Variants in NUCB1 observed in about 807,000 individuals in gnomAD.
The protein encoded by NUCB1 is nucleobindin 1, also known as nucleobindin-1.
NUCB1 carries 47 observed loss-of-function variants against 61.2 expected under a neutral mutation model. The observed-to-expected ratio is 0.77, with a 90% CI of 0.61 to 0.98. NUCB1 has a LOEUF of 0.98. Ranked by LOEUF, NUCB1 falls within the 50% of genes least tolerant of loss-of-function variation. The probability of loss-of-function intolerance (pLI) is 0.00; values close to 1 mark genes in which losing one functional copy is unlikely to be tolerated. For synonymous variants in NUCB1, 234 were observed against 243.1 expected (o/e 0.96, Z 0.35); for missense variants, 583 against 605.3 (o/e 0.96, Z 0.39).
intron 2 of NUCB1, among the ~76,000 whole-genome samples, chr19:48,903,654 A>G (rs1444815217): frequency 3.3e-5 from 3 of 92,288 alleles, no homozygotes; most frequent in Admixed American, 2.5e-4. Flanking sequence ...GGGCGGGTGG[A>G]TGGATGGGTG....
At chr19:48,905,598 G>A (rs965006699) in intron 3 of NUCB1, among the ~76,000 whole-genome samples, 155 bp from the exon 4 acceptor site, 2 of 152,186 alleles carry the variant, frequency 1.3e-5, no homozygotes, top group African/African-American at 4.8e-5. Context: ...AGGCTGACGG[G>A]CTGGGAGCTG....
In NUCB1 at chr19:48,916,051, A is replaced by G. The variant is rs116648034; in HGVS notation, c.757+2487A>G. Among the ~76,000 whole-genome samples, 734 of 152,264 alleles carry G rather than the reference A, an allele frequency of 4.8e-3. 11 individuals are homozygous for G. Among genetic ancestry groups the G allele is most frequent in the African/African-American group, 0.017 (703 of 41,570 alleles). On this transcript the variant is annotated intron_variant, in intron 7 of 12. Transcript: ENST00000405315. ...ATCTCGCACAACCGAAACCGTATCC[A>G]TTAAACCACTCGCCCTCCCCTTCTT... is the stretch of plus-strand genomic sequence containing the variant.
In NUCB1 at chr19:48,904,352, A is replaced by G; in HGVS notation, c.141A>G (p.Thr47=). 1 of 1,610,052 alleles carries G rather than the reference A, an allele frequency of 6.2e-7. No individual in the cohort carries two copies. Among genetic ancestry groups the G allele is most frequent in the Non-Finnish European group, 8.5e-7 (1 of 1,176,532 alleles). The change falls in exon 3 of 13, where the codon ACA becomes ACG. Residue 47 remains threonine, a synonymous_variant. Transcript: ENST00000405315. The stretch of plus-strand genomic sequence containing the variant: ...GTCTGTCCTTGTTGCCTCAGGACAC[A>G]GGCCTGTACTACCACCGGTACCTCC... The part of the protein sequence containing the change: ...EETPATESPD[T]GLYYHRYLQE...
At chr19:48,921,979 G>C in intron 12 of NUCB1, 47 bp downstream of exon 12, 1 of 1,454,734 alleles carries the variant, frequency 6.9e-7, no homozygotes, top group Non-Finnish European at 9.4e-7. Context: ...CTGGACCCCT[G>C]GGTCTGAGGT....
At chr19:48,910,882 G>A (rs1287471061) in intron 4 of NUCB1, 1 of 299,996 alleles carries the variant, frequency 3.3e-6, no homozygotes, top group Non-Finnish European at 6.4e-6. Flanking sequence ...GAAAGTGAAT[G>A]AATTAATACA....
rs140635533 is a variant in NUCB1 at position 48,919,968 on chromosome 19, C to A, written c.1002+682C>A. ...ATTTTTTGTAGAGATGGGGTTTTGC[C>A]ATATCGGCCAGGCTGCTCTAGAACT... On this transcript the variant is annotated intron_variant, in intron 10 of 12. Coordinates refer to ENST00000405315, the MANE Select transcript of NUCB1 (RefSeq NM_006184.6). Among the ~76,000 whole-genome samples, 440 of 152,072 alleles carry A rather than the reference C, an allele frequency of 2.9e-3. 1 individual carries two copies. The highest frequency in any genetic ancestry group is 0.01 in the African/African-American group (416 of 41,482).
At chr19:48,904,297 G>T in intron 2 of NUCB1, 50 bp from the exon 3 acceptor site, 2 of 1,225,444 alleles carry the variant, frequency 1.6e-6, no homozygotes, top group South Asian at 1.2e-5. Flanking sequence ...GAGTGAGGGT[G>T]GGGATGGGGA....
At chr19:48,921,039 C>A in intron 10 of NUCB1, 115 bp from the exon 11 acceptor site, 1 of 1,176,378 alleles carries the variant, frequency 8.5e-7, no homozygotes, top group Non-Finnish European at 1.2e-6. Flanking sequence ...TGCCCACCCA[C>A]ATGGCCCTGG....
chr19:48,916,930 A>C (rs537553840), intron 7 of NUCB1, among the ~76,000 whole-genome samples: 1 of 151,788 alleles, frequency 6.6e-6, no homozygotes, highest in Non-Finnish European at 1.5e-5. Context: ...TAAATAAACA[A>C]ATAAATAGGC....
rs990403674 is a variant in NUCB1 at position 48,922,611 on chromosome 19, A to G, written c.*187A>G. 5.2e-6 allele frequency: 3 copies of G among 580,920 alleles called. No individual in the cohort carries two copies. Among genetic ancestry groups the G allele is most frequent in the Admixed American group, 2.9e-5 (1 of 34,886 alleles). The allele number at this position is 580,920 out of a possible 1,614,324, so 36.0% of individuals were successfully genotyped here. A position where few individuals can be genotyped will look rare whatever the true frequency, so the allele number is the denominator to read the frequency against. On this transcript the variant is annotated 3_prime_UTR_variant, in exon 13 of 13. Transcript: ENST00000405315. ...CCTGTCTCCACTTTCACAGCCTCCA[A>G]GTCTGTGGCTCTTCCCTTCTGTCCT...
At chr19:48,901,194 T>G in intron 2 of NUCB1, 1 of 594,388 alleles carries the variant, frequency 1.7e-6, no homozygotes, top group Non-Finnish European at 3.1e-6. Context: ...AGAAGGAATT[T>G]GAAAACAAAC....
In NUCB1 at chr19:48,921,164, T is replaced by C. The variant is rs1479441519; in HGVS notation, c.1013T>C (p.Met338Thr). Residue 338 changes from methionine to threonine, a missense_variant, in exon 11 of 13, where the codon ATG becomes ACG. Physicochemically the swap from Met to Thr is moderately conservative, Grantham distance 81. Coordinates refer to ENST00000405315, the MANE Select transcript of NUCB1 (RefSeq NM_006184.6). ...DTGEGWETVE[M>T]HPAYTEEELR... ...GTGCCTGCCCTGCAGACAGTGGAGA[T>C]GCACCCTGCCTACACCGAGGAAGAG... is the stretch of plus-strand genomic sequence containing the variant. 5 of 1,608,192 alleles carry C rather than the reference T, an allele frequency of 3.1e-6. No homozygotes were observed. Among genetic ancestry groups the C allele is most frequent in the Non-Finnish European group, 4.3e-6 (5 of 1,176,340 alleles).
At chr19:48,900,999 TGC>T in intron 2 of NUCB1, 68 bp downstream of exon 2, 2 of 1,589,556 alleles carry the variant, frequency 1.3e-6, no homozygotes, top group Non-Finnish European at 1.7e-6. Context: ...CAGACCCCGG[TGC>T]CCGTAGGGCG....
In NUCB1 at chr19:48,900,844, G is replaced by T; in HGVS notation, c.48G>T (p.Leu16=). The T allele has an allele frequency of 6.2e-7, 1 of 1,613,916 alleles. No individual in the cohort carries two copies. Among genetic ancestry groups the T allele is most frequent in the Non-Finnish European group, 8.5e-7 (1 of 1,180,028 alleles). ...PRGTLLLLPL[L]LLLLLRAVLA... ...GAACCCTCCTTCTGTTGCCGCTGCT[G>T]CTGCTGCTCCTGCTTCGCGCCGTGC... The change falls in exon 2 of 13, where the codon CTG becomes CTT. Residue 16 remains leucine (L), a synonymous_variant. Coordinates refer to ENST00000405315, the MANE Select transcript of NUCB1 (RefSeq NM_006184.6).
At chr19:48,914,658 C>G (rs1380833474) in intron 7 of NUCB1, among the ~76,000 whole-genome samples, 1 of 152,070 alleles carries the variant, frequency 6.6e-6, no homozygotes, top group South Asian at 2.1e-4. Flanking sequence ...AAACAAGATG[C>G]GTCCTGGGCT....
intron 7 of NUCB1, 107 bp from the exon 8 acceptor site, chr19:48,918,619 C>G (rs557846642): frequency 2.7e-5 from 23 of 857,998 alleles, no homozygotes; most frequent in South Asian, 2.5e-4. Context: ...CCGTAGTTAC[C>G]TGTCCTCTGA....
intron 1 of NUCB1, 161 bp from the exon 2 acceptor site, chr19:48,900,625 G>A (rs2037343617): frequency 1.1e-6 from 1 of 936,146 alleles, no homozygotes; most frequent in Non-Finnish European, 1.6e-6. Flanking sequence ...GTCGGAGGAA[G>A]GGAAGGCCGG....
intron 7 of NUCB1, 71 bp from the exon 8 acceptor site, chr19:48,918,655 T>TTTC (rs2037567907): frequency 7.5e-7 from 1 of 1,337,242 alleles, no homozygotes; most frequent in Non-Finnish European, 1.1e-6. Flanking sequence ...CAGCCCAAAA[T>TTTC]TTCTTCACCA....
In NUCB1 at chr19:48,900,831, T is replaced by C. The variant is rs11544985; in HGVS notation, c.35T>C (p.Leu12Pro). 2.5e-5 allele frequency: 41 copies of C among 1,613,976 alleles called. No individual in the cohort carries two copies. The South Asian group carries it at 3.0e-4, about 12-fold the overall frequency. Reference sequence around the variant, plus strand: ...TCTGGGCCCCGAGGAACCCTCCTTCTGTTGCCGCTGCTGCTGCTGCTCCTG... The same window carrying C: ...TCTGGGCCCCGAGGAACCCTCCTTCCGTTGCCGCTGCTGCTGCTGCTCCTG... ...PPSGPRGTLL[L>P]LPLLLLLLLR... The change falls in exon 2 of 13, where the codon CTG (leucine) becomes CCG (proline). Residue 12 changes from leucine (L) to proline (P), a missense_variant. Coordinates refer to ENST00000405315, the MANE Select transcript of NUCB1 (RefSeq NM_006184.6).
Sources: allele counts gnomAD v4.1 joint callset (sites outside exome capture counted in the v4.1 genomes callset), GRCh38; gene constraint gnomAD v4.1.1; transcripts MANE v1.5; gene names NCBI Gene and HGNC (gene_info 2026-07-23, HGNC 2026-07-21).